GPHN: variants seen among roughly 807,000 people sequenced by gnomAD.
GPHN encodes gephyrin.
Under a neutral mutation model 95.5 loss-of-function variants are expected in GPHN, and 17 were observed. The observed-to-expected ratio is 0.18, with a 90% CI of 0.12 to 0.27. The LOEUF (loss-of-function observed/expected upper bound fraction) is 0.27. Among genes scored for constraint, GPHN ranks in the 10% least tolerant of loss-of-function variants. The probability of loss-of-function intolerance (pLI) is 1.00; values close to 1 mark genes in which losing one functional copy is unlikely to be tolerated. For missense variants in GPHN, 660 were observed against 978.1 expected (o/e 0.67, Z 4.34); for synonymous variants, 320 against 322.5 (o/e 0.99, Z 0.08).
At chr14:67,106,877 ATTT>A (rs1417197250) in intron 13 of GPHN, among the ~76,000 whole-genome samples, 2 of 150,734 alleles carry the variant, frequency 1.3e-5, no homozygotes, top group African/African-American at 2.4e-5. Flanking sequence ...GTGGTGTCAT[ATTT>A]CCTTGCTTTT....
chr14:66,820,298 G>A (rs2061140634), intron 3 of GPHN, among the ~76,000 whole-genome samples: 1 of 152,060 alleles, frequency 6.6e-6, no homozygotes. Flanking sequence ...AAAACAAAAA[G>A]TCAGCCCAGA....
intron 1 of GPHN, among the ~76,000 whole-genome samples, chr14:66,594,726 C>G (rs901996929): frequency 6.6e-6 from 1 of 152,204 alleles, no homozygotes; most frequent in Admixed American, 6.5e-5. Context: ...GTAAATAAAT[C>G]ATAGGAGAAA....
At chr14:66,610,806 T>C (rs117517808) in intron 1 of GPHN, among the ~76,000 whole-genome samples, 4,843 of 152,172 alleles carry the variant, frequency 0.032, 116 homozygotes, top group Non-Finnish European at 0.046. Context: ...AGTTAGTAGA[T>C]AGAAAATTAC....
chr14:66,693,776 G>A (rs1409873291), intron 2 of GPHN, among the ~76,000 whole-genome samples: 1 of 152,080 alleles, frequency 6.6e-6, no homozygotes, highest in Non-Finnish European at 1.5e-5. Flanking sequence ...ACCAGTCAAG[G>A]TGGCACCAAA....
the GPHN span, among the ~76,000 whole-genome samples, chr14:67,212,401 A>G: frequency 5.9e-5 from 9 of 151,728 alleles, no homozygotes; most frequent in Non-Finnish European, 2.9e-5. Context: ...CAGCCTGGGC[A>G]ACATTGCAAA....
intron 21 of GPHN, among the ~76,000 whole-genome samples, chr14:67,177,238 CA>C (rs1567453961): frequency 6.6e-6 from 1 of 152,208 alleles, no homozygotes; most frequent in African/African-American, 2.4e-5. Context: ...TCCCTCTACA[CA>C]TTGCTTTAAA....
the GPHN span, among the ~76,000 whole-genome samples, chr14:67,654,305 ATAGAGATGAGGTCTCGCTC>A: frequency 0.99 from 149,439 of 151,704 alleles, 73,626 homozygotes; most frequent in East Asian, 1. Context: ...AGGTCTCGCT[ATAGAGATGAGGTCTCGCTC>A]TAGAGATGAG....
the GPHN span, among the ~76,000 whole-genome samples, chr14:67,402,458 G>A: frequency 2.8e-4 from 42 of 152,024 alleles, no homozygotes; most frequent in Admixed American, 8.5e-4. Context: ...ATTTTTAAAC[G>A]TACAATTAAG....
the GPHN span, among the ~76,000 whole-genome samples, chr14:67,419,461 A>G: frequency 1.3e-5 from 2 of 152,168 alleles, no homozygotes; most frequent in Non-Finnish European, 2.9e-5. Flanking sequence ...GAACCTGGCT[A>G]AGAAGGCAAA....
chr14:67,565,213 C>T, the GPHN span, among the ~76,000 whole-genome samples: 1 of 151,980 alleles, frequency 6.6e-6, no homozygotes, highest in Non-Finnish European at 1.5e-5. Context: ...TGCCCAAGGT[C>T]ATGTAGTAGT....
intron 5 of GPHN, among the ~76,000 whole-genome samples, chr14:66,885,350 C>T (rs1596275808): frequency 1.3e-5 from 2 of 152,236 alleles, no homozygotes; most frequent in East Asian, 3.9e-4. Context: ...TTATGGCTTA[C>T]TGGAAAAGAC....
At chr14:67,650,756 T>C in the GPHN span, 3 of 1,614,164 alleles carry the variant, frequency 1.9e-6, no homozygotes, top group Non-Finnish European at 2.5e-6. Flanking sequence ...CAATCCTCAG[T>C]TGGCCACCTC....
At chr14:67,166,590 G>A (rs1436778094) in intron 20 of GPHN, among the ~76,000 whole-genome samples, 1 of 152,162 alleles carries the variant, frequency 6.6e-6, no homozygotes, top group Non-Finnish European at 1.5e-5. Context: ...TGTGCAAAGT[G>A]GTTCCATTTA....
the GPHN span, among the ~76,000 whole-genome samples, chr14:67,659,545 CT>C: frequency 6.6e-6 from 1 of 151,148 alleles, no homozygotes; most frequent in South Asian, 2.1e-4. Flanking sequence ...TTCGAAAGGC[CT>C]GCCTTAAATA....
the GPHN span, among the ~76,000 whole-genome samples, chr14:67,596,796 T>C: frequency 6.6e-6 from 1 of 152,322 alleles, no homozygotes; most frequent in South Asian, 2.1e-4. Flanking sequence ...TTCCTTTGGG[T>C]AATTTTCCAT....
At chr14:66,918,617 C>G (rs992094611) in intron 6 of GPHN, among the ~76,000 whole-genome samples, 8 of 152,206 alleles carry the variant, frequency 5.3e-5, no homozygotes, top group Non-Finnish European at 1.2e-4. Context: ...GGAGGGTAGC[C>G]TATACCTGTC....
chr14:67,701,442 T>G, the GPHN span, among the ~76,000 whole-genome samples: 1 of 146,156 alleles, frequency 6.8e-6, no homozygotes, highest in Non-Finnish European at 1.5e-5. Context: ...TTTTTTTTTT[T>G]TTTTTGAGAT....
intron 3 of GPHN, among the ~76,000 whole-genome samples, chr14:66,787,249 A>C (rs887438619): frequency 2.0e-5 from 3 of 152,182 alleles, no homozygotes; most frequent in African/African-American, 4.8e-5. Context: ...CACCATTTAC[A>C]ATTGTTCAAA....
chr14:67,103,037 G>A (rs1363143151), intron 13 of GPHN, among the ~76,000 whole-genome samples: 1 of 152,070 alleles, frequency 6.6e-6, no homozygotes, highest in Non-Finnish European at 1.5e-5. Context: ...TTGTTTGTTT[G>A]TTTGGGTTTT....
Sources: allele counts gnomAD v4.1 joint callset (sites outside exome capture counted in the v4.1 genomes callset), GRCh38; gene constraint gnomAD v4.1.1; transcripts MANE v1.5; gene names NCBI Gene and HGNC (gene_info 2026-07-23, HGNC 2026-07-21).